Variants in BCAS3 observed in about 807,000 individuals in gnomAD.
BCAS3 encodes BCAS3 microtubule associated cell migration factor.
Under a neutral mutation model 116.1 loss-of-function variants are expected in BCAS3, and 53 were observed. That is an observed-to-expected ratio of 0.46 (90% CI 0.37 to 0.57). The LOEUF (loss-of-function observed/expected upper bound fraction) is 0.57, where lower values mean the gene tolerates loss of function less well. BCAS3 is among the 20% of genes least tolerant of loss of function. The pLI is 0.00. For missense variants in BCAS3, 917 were observed against 1,165.4 expected, an observed-to-expected ratio of 0.79 and a Z score of 3.10; for synonymous variants, 391 against 408.2, an observed-to-expected ratio of 0.96 and a Z score of 0.51.
At chr17:61,298,989 C>CT (rs2053197048) in intron 22 of BCAS3, among the ~76,000 whole-genome samples, 2 of 151,738 alleles carry the variant, frequency 1.3e-5, no homozygotes, top group Non-Finnish European at 2.9e-5. Flanking sequence ...TACCCGGCTA[C>CT]TTTTTATATT....
At chr17:60,862,684 C>T (rs1447921137) in intron 7 of BCAS3, among the ~76,000 whole-genome samples, 1 of 152,110 alleles carries the variant, frequency 6.6e-6, no homozygotes, top group Admixed American at 6.6e-5. Context: ...CAGGGTGTCA[C>T]TCTGTTGCCC....
chr17:61,375,979 AGACATT>A (rs2059320377), intron 23 of BCAS3, among the ~76,000 whole-genome samples: 1 of 152,214 alleles, frequency 6.6e-6, no homozygotes, highest in African/African-American at 2.4e-5. Context: ...TTGACTTTGC[AGACATT>A]TCAGAAGATG....
At position 61,105,420 on chromosome 17, in the gene BCAS3, A is replaced by G. The variant is rs905332605; in HGVS notation, c.2425+20856A>G. ...TATGCTGACACTAGAGGAAAAACCC[A>G]CAGAATTTTTTTTATTTTTTTGAGA... is the stretch of plus-strand genomic sequence containing the variant. On this transcript the variant is annotated intron_variant, in intron 22 of 23. Transcript: ENST00000407086. The surrounding 1 kb of genome is among the most constrained non-coding windows in gnomAD (Gnocchi z 4.3). Among the ~76,000 whole-genome samples, 1 of 152,122 alleles carries G rather than the reference A, an allele frequency of 6.6e-6. No individual in the cohort carries two copies. Among genetic ancestry groups the G allele is most frequent in the Non-Finnish European group, 1.5e-5 (1 of 67,998 alleles).
At chr17:61,331,294 T>A (rs1001256352) in intron 22 of BCAS3, among the ~76,000 whole-genome samples, 1 of 152,028 alleles carries the variant, frequency 6.6e-6, no homozygotes, top group Non-Finnish European at 1.5e-5. Context: ...TCACAAAGCA[T>A]GTGACAAGTG....
At chr17:60,932,910 C>T (rs549066759) in intron 13 of BCAS3, among the ~76,000 whole-genome samples, 1 of 151,996 alleles carries the variant, frequency 6.6e-6, no homozygotes, top group South Asian at 2.1e-4. Context: ...AGCGGTGGCT[C>T]ATCCCAGTAA....
At chr17:60,929,980 T>C (rs1009758423) in intron 13 of BCAS3, among the ~76,000 whole-genome samples, 6 of 152,062 alleles carry the variant, frequency 3.9e-5, no homozygotes, top group African/African-American at 1.2e-4. Context: ...TGTTGGACAT[T>C]TGGGTTGGTT....
chr17:61,363,553 CTTT>C lies in BCAS3; in HGVS notation c.2426-4759_2426-4757del, dbSNP rs1156471461. ...GTTTGGTGAAGTCACATAAGCTCCTCTTTTTTTTTTTTTTTTTAACTCACTCTG... is the reference window on the plus strand; with the variant it reads ...GTTTGGTGAAGTCACATAAGCTCCTCTTTTTTTTTTTTTTAACTCACTCTG... On this transcript the variant is annotated intron_variant, in intron 22 of 23. Coordinates refer to ENST00000407086, the MANE Select transcript of BCAS3 (RefSeq NM_017679.5). This position sits in a 1 kb window ranked among gnomAD's most constrained non-coding sequence, Gnocchi z 4.9. Among the ~76,000 whole-genome samples the C allele has an allele frequency of 9.3e-5, 13 of 139,870 alleles. No homozygotes were observed. Among genetic ancestry groups the C allele is most frequent in the Non-Finnish European group, 9.4e-5 (6 of 63,588 alleles). 91.8% of individuals were successfully genotyped at this position (139,870 alleles called of 152,430 possible). A position where few individuals can be genotyped will look rare whatever the true frequency, so the allele number is the denominator to read the frequency against.
At chr17:61,216,052 T>C (rs2081766502) in intron 22 of BCAS3, among the ~76,000 whole-genome samples, 1 of 152,264 alleles carries the variant, frequency 6.6e-6, no homozygotes, top group Admixed American at 6.5e-5. Context: ...TTTTATTTTA[T>C]TGAATTTTAT....
intron 22 of BCAS3, among the ~76,000 whole-genome samples, chr17:61,350,604 G>T (rs1328398325): frequency 1.3e-5 from 2 of 150,794 alleles, no homozygotes; most frequent in African/African-American, 2.4e-5. Context: ...AGAAACTGTG[G>T]TGTATGTACA....
At chr17:60,799,334 C>G (rs1174893936) in intron 6 of BCAS3, among the ~76,000 whole-genome samples, 1 of 151,956 alleles carries the variant, frequency 6.6e-6, no homozygotes. Flanking sequence ...AATTCCATGC[C>G]ATTTTATCAC....
At chr17:60,721,223 A>C (rs1350795542) in intron 5 of BCAS3, among the ~76,000 whole-genome samples, 1 of 152,118 alleles carries the variant, frequency 6.6e-6, no homozygotes, top group Non-Finnish European at 1.5e-5. Context: ...AGAGAGGTTG[A>C]ATATGGATGA....
chr17:60,925,443 A>G (rs902302170), intron 13 of BCAS3, among the ~76,000 whole-genome samples: 2 of 152,220 alleles, frequency 1.3e-5, no homozygotes, highest in Admixed American at 1.3e-4. Flanking sequence ...AGTAATGACT[A>G]TCAAGTATCT....
intron 23 of BCAS3, chr17:61,383,899 C>T (rs1404833642): frequency 2.0e-5 from 3 of 152,272 alleles, no homozygotes; most frequent in Non-Finnish European, 4.4e-5. Context: ...AGTGCTATCT[C>T]GTCACGCTGG....
At position 61,362,211 on chromosome 17, in the gene BCAS3, C is replaced by G. The variant is rs564845094; in HGVS notation, c.2426-6116C>G. On this transcript the variant is annotated intron_variant, in intron 22 of 23. Coordinates refer to ENST00000407086, the MANE Select transcript of BCAS3 (RefSeq NM_017679.5). This position sits in a 1 kb window ranked among gnomAD's most constrained non-coding sequence, Gnocchi z 4.4. The stretch of plus-strand genomic sequence containing the variant: ...TTTGGTGAGCAGTTTGGTAAGCTTG[C>G]CAAGGAGGCTCCCCTCTACACTGGT... Among the ~76,000 whole-genome samples, 6 of 152,342 alleles carry G rather than the reference C, an allele frequency of 3.9e-5. No individual in the cohort carries two copies. The South Asian group carries it at 1.2e-3, about 32-fold the overall frequency.
chr17:61,039,082 C>T (rs1383462385), intron 18 of BCAS3, among the ~76,000 whole-genome samples: 1 of 152,230 alleles, frequency 6.6e-6, no homozygotes, highest in Non-Finnish European at 1.5e-5. Flanking sequence ...ACCTCATACT[C>T]ATTAGCAGTC....
intron 22 of BCAS3, among the ~76,000 whole-genome samples, chr17:61,195,260 G>A (rs752637105): frequency 1.6e-4 from 24 of 152,186 alleles, no homozygotes; most frequent in African/African-American, 5.6e-4. Context: ...TCATTTAACC[G>A]CAGATGAAAT....
At chr17:60,951,325 CT>C (rs985593013) in intron 14 of BCAS3, among the ~76,000 whole-genome samples, 16 of 151,884 alleles carry the variant, frequency 1.1e-4, no homozygotes, top group Non-Finnish European at 1.9e-4. Context: ...TGAATAATAT[CT>C]TTTATTTTGA....
chr17:60,766,822 G>T (rs1267360627), intron 6 of BCAS3, among the ~76,000 whole-genome samples: 3 of 152,214 alleles, frequency 2.0e-5, no homozygotes, highest in Non-Finnish European at 4.4e-5. Context: ...ACAGAGGCAG[G>T]CGGGCCCTGT....
At chr17:61,373,544 C>T (rs1179589759) in intron 23 of BCAS3, among the ~76,000 whole-genome samples, 3 of 151,282 alleles carry the variant, frequency 2.0e-5, no homozygotes, top group African/African-American at 7.3e-5. Flanking sequence ...ATTCTCATGC[C>T]TCAGCCTCCT....
Sources: allele counts gnomAD v4.1 joint callset (sites outside exome capture counted in the v4.1 genomes callset), GRCh38; gene constraint gnomAD v4.1.1; non-coding constraint Gnocchi (gnomAD v3.1); transcripts MANE v1.5; gene names NCBI Gene and HGNC (gene_info 2026-07-23, HGNC 2026-07-21).